Variants in SUGCT observed in about 807,000 individuals in gnomAD.
The protein encoded by SUGCT is succinyl-CoA:glutarate CoA-transferase.
A neutral mutation model predicts 55.0 loss-of-function variants in SUGCT; 41 were observed. The ratio of observed to expected loss-of-function variants is 0.74; its 90% CI spans 0.58 to 0.97. The LOEUF (loss-of-function observed/expected upper bound fraction) is 0.97, where lower values mean the gene tolerates loss of function less well. Among genes scored for constraint, SUGCT ranks in the 50% least tolerant of loss-of-function variants. SUGCT has a pLI of 0.00. For missense variants in SUGCT, 568 were observed against 547.8 expected, an observed-to-expected ratio of 1.04 and a Z score of -0.37; for synonymous variants, 187 against 200.4, an observed-to-expected ratio of 0.93 and a Z score of 0.56.
At chr7:40,410,696 A>G (rs1198756108) in intron 9 of SUGCT, among the ~76,000 whole-genome samples, 1 of 152,134 alleles carries the variant, frequency 6.6e-6, no homozygotes. Flanking sequence ...CATAGGTGGC[A>G]TATTTTGTAA....
chr7:40,944,529 A>C, the SUGCT span, among the ~76,000 whole-genome samples: 9 of 152,014 alleles, frequency 5.9e-5, no homozygotes, highest in Admixed American at 5.2e-4. Flanking sequence ...ACCATTTATT[A>C]AATAGAGAAT....
At chr7:41,007,325 AG>A in the SUGCT span, among the ~76,000 whole-genome samples, 50 of 152,178 alleles carry the variant, frequency 3.3e-4, no homozygotes, top group Non-Finnish European at 6.6e-4. Context: ...CTCACTGAAC[AG>A]GCTTTTCCAA....
At chr7:40,346,630 C>G (rs1352631167) in intron 9 of SUGCT, among the ~76,000 whole-genome samples, 1 of 152,164 alleles carries the variant, frequency 6.6e-6, no homozygotes, top group African/African-American at 2.4e-5. Context: ...TATATGTTTG[C>G]AGACATACAC....
intron 9 of SUGCT, among the ~76,000 whole-genome samples, chr7:40,347,888 A>G (rs890496824): frequency 8.5e-5 from 13 of 152,222 alleles, no homozygotes; most frequent in Admixed American, 7.8e-4. Flanking sequence ...CATTCCATAA[A>G]TTAGTATGTA....
At chr7:40,189,096 C>T (rs1257897524) in intron 4 of SUGCT, among the ~76,000 whole-genome samples, 2 of 152,182 alleles carry the variant, frequency 1.3e-5, no homozygotes, top group African/African-American at 4.8e-5. Context: ...TTAATCCCAG[C>T]ACTTTGGGTG....
chr7:40,812,342 A>G (rs756911413), intron 13 of SUGCT, among the ~76,000 whole-genome samples: 2 of 152,112 alleles, frequency 1.3e-5, no homozygotes, highest in Non-Finnish European at 2.9e-5. Context: ...CTGTGAATTC[A>G]TCTGGTCTGG....
intron 9 of SUGCT, among the ~76,000 whole-genome samples, chr7:40,433,802 A>T (rs1472445707): frequency 1.3e-5 from 2 of 152,218 alleles, no homozygotes; most frequent in Non-Finnish European, 2.9e-5. Context: ...TTTTCAGCAC[A>T]TTCTGTTATT....
At chr7:40,693,274 C>T (rs1784776441) in intron 12 of SUGCT, among the ~76,000 whole-genome samples, 1 of 152,166 alleles carries the variant, frequency 6.6e-6, no homozygotes, top group Non-Finnish European at 1.5e-5. Flanking sequence ...AGTTAATTGA[C>T]CTAGCAAAGC....
intron 7 of SUGCT, among the ~76,000 whole-genome samples, chr7:40,249,344 T>TATATATATAAAAAA (rs1172651937): frequency 1.6e-5 from 2 of 128,160 alleles, no homozygotes; most frequent in African/African-American, 6.5e-5. Context: ...TATATATATA[T>TATATATATAAAAAA]ATAATTATAT....
chr7:40,196,508 T>C (rs1025970662), intron 6 of SUGCT, among the ~76,000 whole-genome samples: 2 of 152,066 alleles, frequency 1.3e-5, no homozygotes, highest in Non-Finnish European at 2.9e-5. Flanking sequence ...GGTAATTGAG[T>C]CTGGTAGTTG....
intron 8 of SUGCT, among the ~76,000 whole-genome samples, chr7:40,299,583 G>A (rs1794398878): frequency 6.6e-6 from 1 of 152,014 alleles, no homozygotes; most frequent in Admixed American, 6.6e-5. Flanking sequence ...AGCCAGGTTT[G>A]CAATTTTTGA....
intron 12 of SUGCT, chr7:40,499,258 C>CA: frequency 3.2e-6 from 1 of 310,208 alleles, no homozygotes; most frequent in African/African-American, 2.2e-5. Flanking sequence ...CTAACAACAA[C>CA]AACAAAAGCC....
intron 12 of SUGCT, among the ~76,000 whole-genome samples, chr7:40,706,576 G>C (rs777215368): frequency 6.6e-6 from 1 of 152,186 alleles, no homozygotes; most frequent in Non-Finnish European, 1.5e-5. Flanking sequence ...TGTGAGGTTA[G>C]AGCATGGACT....
intron 8 of SUGCT, among the ~76,000 whole-genome samples, chr7:40,286,778 A>G (rs1584571749): frequency 6.6e-6 from 1 of 151,826 alleles, no homozygotes; most frequent in Admixed American, 6.6e-5. Context: ...CCTATGTCCT[A>G]TAGTTAGTAG....
intron 12 of SUGCT, among the ~76,000 whole-genome samples, chr7:40,724,425 T>A (rs1786508066): frequency 1.3e-5 from 2 of 150,558 alleles, no homozygotes; most frequent in East Asian, 3.9e-4. Context: ...ATTAACGGCG[T>A]GGCAGCGTGC....
intron 8 of SUGCT, among the ~76,000 whole-genome samples, chr7:40,278,741 TCTTGAC>T: frequency 6.6e-6 from 1 of 152,156 alleles, no homozygotes; most frequent in East Asian, 1.9e-4. Context: ...TCCTCTATGC[TCTTGAC>T]CTTCTTCCCT....
At chr7:40,208,495 A>G (rs1787129725) in intron 6 of SUGCT, among the ~76,000 whole-genome samples, 1 of 152,214 alleles carries the variant, frequency 6.6e-6, no homozygotes, top group African/African-American at 2.4e-5. Flanking sequence ...TACAAATACA[A>G]ATAAATATTT....
chr7:40,644,228 T>G (rs1276871168), intron 12 of SUGCT, among the ~76,000 whole-genome samples: 1 of 152,210 alleles, frequency 6.6e-6, no homozygotes, highest in Non-Finnish European at 1.5e-5. Flanking sequence ...AGTTCATTAT[T>G]GATTTCCCCC....
rs1797997610 is a variant in SUGCT, at chr7:40,358,717, A to AACAAC, written c.816+41863_816+41864insCAACA. On this transcript the variant is annotated intron_variant, in intron 9 of 13. Transcript: ENST00000335693. ...CAACAAGAGCAAAACTCCATCTCAA[A>AACAAC]AACAACAACAACAATAACAACAACA... Among the ~76,000 whole-genome samples the AACAAC allele has an allele frequency of 1.3e-4, 20 of 150,774 alleles. No individual in the cohort carries two copies. The South Asian group carries it at 3.2e-3, about 24-fold the overall frequency.
Sources: allele counts gnomAD v4.1 joint callset (sites outside exome capture counted in the v4.1 genomes callset), GRCh38; gene constraint gnomAD v4.1.1; transcripts MANE v1.5; gene names NCBI Gene and HGNC (gene_info 2026-07-23, HGNC 2026-07-21).